Variants in ERBB4 observed in about 807,000 individuals in gnomAD.
The protein encoded by ERBB4 is receptor tyrosine-protein kinase erbB-4.
A neutral mutation model predicts 158.0 loss-of-function variants in ERBB4; 42 were observed. The observed-to-expected ratio is 0.27, with a 90% CI of 0.21 to 0.34. ERBB4 has a LOEUF of 0.34. Among genes scored for constraint, ERBB4 ranks in the 10% least tolerant of loss-of-function variants. ERBB4 has a pLI of 1.00. For synonymous variants in ERBB4, 583 were observed against 558.7 expected (o/e 1.04, Z -0.61); for missense variants, 1,333 against 1,624.1 (o/e 0.82, Z 3.08).
At chr2:211,972,018 T>C (rs547105505) in intron 2 of ERBB4, among the ~76,000 whole-genome samples, 21 of 152,252 alleles carry the variant, frequency 1.4e-4, no homozygotes, top group African/African-American at 4.8e-4. Flanking sequence ...GAAAACCCCA[T>C]AGTCTCAGCC....
intron 2 of ERBB4, among the ~76,000 whole-genome samples, chr2:212,101,102 A>C (rs977369927): frequency 6.6e-6 from 1 of 152,012 alleles, no homozygotes; most frequent in South Asian, 2.1e-4. Context: ...CAGGAAGTCA[A>C]TATTTTTATC....
chr2:211,513,830 AT>A (rs997007545), intron 20 of ERBB4, among the ~76,000 whole-genome samples: 18 of 151,922 alleles, frequency 1.2e-4, no homozygotes, highest in African/African-American at 4.1e-4. Flanking sequence ...GTTTCTTTAT[AT>A]TTTTGGGGGG....
intron 12 of ERBB4, among the ~76,000 whole-genome samples, chr2:211,689,557 G>A (rs2072713796): frequency 6.6e-6 from 1 of 152,052 alleles, no homozygotes; most frequent in Non-Finnish European, 1.5e-5. Flanking sequence ...GAATATGAAT[G>A]ACTTCGCACT....
intron 3 of ERBB4, among the ~76,000 whole-genome samples, chr2:211,905,661 T>C (rs1195880587): frequency 8.1e-6 from 1 of 123,722 alleles, no homozygotes; most frequent in Non-Finnish European, 1.7e-5. Context: ...TATATATATA[T>C]ATATATATAT....
chr2:212,462,381 T>C (rs934151899), intron 1 of ERBB4, among the ~76,000 whole-genome samples: 2 of 152,154 alleles, frequency 1.3e-5, no homozygotes, highest in Non-Finnish European at 2.9e-5. Context: ...ATGCAGAATA[T>C]ACAATGAGCT....
At chr2:212,004,253 C>A (rs1325000316) in intron 2 of ERBB4, among the ~76,000 whole-genome samples, 1 of 152,086 alleles carries the variant, frequency 6.6e-6, no homozygotes, top group African/African-American at 2.4e-5. Flanking sequence ...ATCTTTCAGG[C>A]AGTATTTTGA....
chr2:212,031,124 C>A (rs1199643619), intron 2 of ERBB4, among the ~76,000 whole-genome samples: 1 of 152,080 alleles, frequency 6.6e-6, no homozygotes, highest in East Asian at 1.9e-4. Flanking sequence ...CCAGCAAAAT[C>A]TTTGATTTTA....
In ERBB4 at chr2:211,675,355, C is replaced by T. The variant is rs151103929; in HGVS notation, c.1623-2098G>A. 6.2e-3 allele frequency among the ~76,000 whole-genome samples: 949 copies of T among 152,232 alleles called. 5 individuals are homozygous for T. Among genetic ancestry groups the T allele is most frequent in the Non-Finnish European group, 1.0e-2 (678 of 68,006 alleles). On this transcript the variant is annotated intron_variant, in intron 13 of 27. Transcript: ENST00000342788. Reference sequence around the variant, plus strand: ...AACCCCAGGACTGACACTACTATTTCTAGGCCTTAAATACTTCAACTTCCT... The same window carrying T: ...AACCCCAGGACTGACACTACTATTTTTAGGCCTTAAATACTTCAACTTCCT...
chr2:212,347,838 A>G, intron 1 of ERBB4, among the ~76,000 whole-genome samples: 1 of 152,108 alleles, frequency 6.6e-6, no homozygotes, highest in East Asian at 1.9e-4. Flanking sequence ...TAAAATATGA[A>G]TAAGTTTTAG....
chr2:211,982,385 C>CA (rs923810395), intron 2 of ERBB4, among the ~76,000 whole-genome samples: 6 of 151,558 alleles, frequency 4.0e-5, no homozygotes, highest in East Asian at 1.9e-4. Context: ...CTGTAGAAAA[C>CA]AAAAAAACAA....
intron 17 of ERBB4, among the ~76,000 whole-genome samples, chr2:211,626,841 C>T (rs867332758): frequency 1.1e-4 from 17 of 151,808 alleles, no homozygotes; most frequent in Admixed American, 7.2e-4. Context: ...AGGAGAACGG[C>T]GTGAACCCAG....
intron 3 of ERBB4, among the ~76,000 whole-genome samples, chr2:211,797,727 C>G (rs1282497683): frequency 6.6e-6 from 1 of 151,406 alleles, no homozygotes; most frequent in Non-Finnish European, 1.5e-5. Flanking sequence ...CAACACTTTA[C>G]AAAATAAGAA....
At chr2:212,437,891 T>C (rs1574917318) in intron 1 of ERBB4, among the ~76,000 whole-genome samples, 1 of 152,042 alleles carries the variant, frequency 6.6e-6, no homozygotes, top group East Asian at 1.9e-4. Context: ...AAAAATCAAC[T>C]CCTTAAGAAA....
At chr2:211,738,079 A>G (rs2074662473) in intron 5 of ERBB4, among the ~76,000 whole-genome samples, 1 of 152,040 alleles carries the variant, frequency 6.6e-6, no homozygotes, top group Non-Finnish European at 1.5e-5. Flanking sequence ...TATTTTTAAA[A>G]CTTTGATACA....
intron 1 of ERBB4, among the ~76,000 whole-genome samples, chr2:212,348,178 C>A (rs1328067562): frequency 6.6e-6 from 1 of 152,048 alleles, no homozygotes; most frequent in Non-Finnish European, 1.5e-5. Flanking sequence ...TGAGCTCATA[C>A]CCTCAAGTGA....
chr2:212,276,291 C>T (rs1373291749), intron 1 of ERBB4, among the ~76,000 whole-genome samples: 1 of 151,624 alleles, frequency 6.6e-6, no homozygotes, highest in Non-Finnish European at 1.5e-5. Flanking sequence ...GATATCTGTT[C>T]ATAAAGAATA....
At chr2:212,039,765 C>T (rs75143960) in intron 2 of ERBB4, among the ~76,000 whole-genome samples, 17 of 152,222 alleles carry the variant, frequency 1.1e-4, no homozygotes, top group African/African-American at 4.1e-4. Flanking sequence ...AGAGTCAGCA[C>T]ATGGGACCAT....
At chr2:212,342,039 A>T (rs2088744918) in intron 1 of ERBB4, among the ~76,000 whole-genome samples, 1 of 152,198 alleles carries the variant, frequency 6.6e-6, no homozygotes, top group Non-Finnish European at 1.5e-5. Flanking sequence ...CAGGAGGATC[A>T]CTTGAGCCCA....
chr2:211,942,559 A>G (rs546550284), intron 3 of ERBB4, among the ~76,000 whole-genome samples: 1 of 151,904 alleles, frequency 6.6e-6, no homozygotes, highest in African/African-American at 2.4e-5. Flanking sequence ...CAAACTTCAT[A>G]TATTATTTTC....
Sources: allele counts gnomAD v4.1 joint callset (sites outside exome capture counted in the v4.1 genomes callset), GRCh38; gene constraint gnomAD v4.1.1; transcripts MANE v1.5; gene names NCBI Gene and HGNC (gene_info 2026-07-23, HGNC 2026-07-21).